CARNMT1: variants seen among roughly 807,000 people sequenced by gnomAD.
CARNMT1 encodes carnosine N-methyltransferase 1.
CARNMT1 carries 28 observed loss-of-function variants against 49.6 expected under a neutral mutation model. The ratio of observed to expected loss-of-function variants is 0.56; its 90% CI spans 0.42 to 0.77. The LOEUF is 0.77. Ranked by LOEUF, CARNMT1 falls within the 30% of genes least tolerant of loss-of-function variation. CARNMT1 has a pLI of 0.00. For missense variants in CARNMT1, 421 were observed against 512.6 expected, an observed-to-expected ratio of 0.82 and a Z score of 1.73; for synonymous variants, 178 against 175.0, an observed-to-expected ratio of 1.02 and a Z score of -0.13.
chr9:74,996,065 T>C (rs1305682417), intron 6 of CARNMT1: 1 of 159,146 alleles, frequency 6.3e-6, no homozygotes, highest in East Asian at 1.8e-4. Flanking sequence ...GAAGATTCCA[T>C]GGAAGAGGTA....
intron 3 of CARNMT1, among the ~76,000 whole-genome samples, chr9:75,012,345 G>A (rs899451487): frequency 3.4e-5 from 5 of 148,352 alleles, no homozygotes; most frequent in Non-Finnish European, 5.9e-5. Flanking sequence ...GGAGTTCAGT[G>A]GCATGATCTT....
chr9:75,006,195 G>A (rs1426505724), intron 3 of CARNMT1, among the ~76,000 whole-genome samples: 1 of 152,150 alleles, frequency 6.6e-6, no homozygotes, highest in Non-Finnish European at 1.5e-5. Flanking sequence ...GGGATTACAA[G>A]TGCACGCCAC....
chr9:75,023,599 T>C (rs1822440238), intron 1 of CARNMT1, among the ~76,000 whole-genome samples: 1 of 152,204 alleles, frequency 6.6e-6, no homozygotes, highest in African/African-American at 2.4e-5. Flanking sequence ...ATAGGTGGGA[T>C]CTTACTAAAG....
chr9:74,996,521 G>A lies in CARNMT1; in HGVS notation c.950C>T (p.Thr317Ile). 6.2e-7 allele frequency: 1 copy of A among 1,607,244 alleles called. No individual in the cohort carries two copies. The highest frequency in any genetic ancestry group is 8.5e-7 in the Non-Finnish European group (1 of 1,176,846). ...DCIATCFFID[T>I]AHNVIDYIDT... is the part of the protein sequence containing the mutation. ...AATATAATCAATTACATTGTGAGCTGTGTCTATGAAGAAACAGGTAGCAAT... is the reference window on the plus strand; with the variant it reads ...AATATAATCAATTACATTGTGAGCTATGTCTATGAAGAAACAGGTAGCAAT... Residue 317 changes from threonine (T) to isoleucine (I), a missense_variant, in exon 6 of 8, where the codon ACA becomes ATA. This residue lies in a region of CARNMT1 where 235 missense variants were observed against 344.8 expected (regional missense o/e 0.68). Coordinates refer to ENST00000376834, the MANE Select transcript of CARNMT1 (RefSeq NM_152420.3).
Position 75,016,294 on chromosome 9 carries a change from A to G in CARNMT1, c.564T>C (p.Ile188=). The G allele has an allele frequency of 6.2e-7, 1 of 1,612,970 alleles. No individual in the cohort carries two copies. ...DACYQPIIKE[I]LKNFPKERWD... ...ATCTCTCTTTTGGAAAATTTTTTAAAATTTCTTTAATGATTGGCTGGTAAC... is the reference window on the plus strand; with the variant it reads ...ATCTCTCTTTTGGAAAATTTTTTAAGATTTCTTTAATGATTGGCTGGTAAC... Residue 188 remains isoleucine, a synonymous_variant, in exon 3 of 8, where the codon ATT becomes ATC. Transcript: ENST00000376834.
In CARNMT1 at chr9:75,028,152, C is replaced by G. The variant is rs577316354; in HGVS notation, c.90G>C (p.Val30=). Residue 30 remains valine, a synonymous_variant, in exon 1 of 8, where the codon GTG becomes GTC. Transcript: ENST00000376834. ...GGGGGSEEVE[V]QFSAGRWGSA... ...AGCCCCAACGCCCGGCGGAAAACTG[C>G]ACTTCCACCTCCTCGCTGCCACCGC... 2.6e-6 allele frequency: 4 copies of G among 1,540,710 alleles called. No individual in the cohort carries two copies. Among genetic ancestry groups the G allele is most frequent in the Non-Finnish European group, 3.5e-6 (4 of 1,145,774 alleles).
chr9:75,015,778 T>A (rs1833827900), intron 3 of CARNMT1: 1 of 143,300 alleles, frequency 7.0e-6, no homozygotes, highest in Admixed American at 6.9e-5. Flanking sequence ...AGAGTGAGAC[T>A]GTCTCAAAAA....
At chr9:75,023,450 A>G (rs1409721024) in intron 1 of CARNMT1, among the ~76,000 whole-genome samples, 4 of 152,154 alleles carry the variant, frequency 2.6e-5, no homozygotes, top group Non-Finnish European at 4.4e-5. Flanking sequence ...GTGAGTTGAG[A>G]TAAGTTATAG....
At chr9:75,021,687 TTGGGAGGCCAAGG>T (rs1822368311) in intron 1 of CARNMT1, among the ~76,000 whole-genome samples, 1 of 152,012 alleles carries the variant, frequency 6.6e-6, no homozygotes, top group Non-Finnish European at 1.5e-5. Flanking sequence ...TCCCAGTATT[TTGGGAGGCCAAGG>T]TGGGAAGCCT....
chr9:75,013,450 T>G (rs1027670321), intron 3 of CARNMT1, among the ~76,000 whole-genome samples: 2 of 152,136 alleles, frequency 1.3e-5, no homozygotes, highest in African/African-American at 4.8e-5. Flanking sequence ...ATGCATAAAG[T>G]TATTAATTTT....
chr9:75,026,192 T>C (rs1822523344), intron 1 of CARNMT1, among the ~76,000 whole-genome samples: 1 of 152,158 alleles, frequency 6.6e-6, no homozygotes, highest in Admixed American at 6.6e-5. Context: ...ATTACGCTGG[T>C]AAAGAAGAGA....
chr9:75,000,127 A>G (rs889191593), intron 3 of CARNMT1, among the ~76,000 whole-genome samples: 2 of 152,134 alleles, frequency 1.3e-5, no homozygotes, highest in Non-Finnish European at 2.9e-5. Context: ...ACATCTCAAG[A>G]CTTATAAAGT....
intron 3 of CARNMT1, among the ~76,000 whole-genome samples, chr9:75,002,745 T>TC (rs1372727117): frequency 6.6e-6 from 1 of 152,140 alleles, no homozygotes; most frequent in Non-Finnish European, 1.5e-5. Flanking sequence ...GTATTGAATT[T>TC]CTTTTTTTTA....
chr9:75,002,629 C>T (rs1357978020), intron 3 of CARNMT1, among the ~76,000 whole-genome samples: 3 of 152,174 alleles, frequency 2.0e-5, no homozygotes, highest in African/African-American at 7.2e-5. Context: ...AGCACACTGC[C>T]TGTGGCATAG....
rs1392050958 is a variant in CARNMT1 at position 75,028,281 on chromosome 9, C to T, written c.-40G>A. The T allele has an allele frequency of 1.5e-6, 2 of 1,343,886 alleles. No individual in the cohort carries two copies. Among genetic ancestry groups the T allele is most frequent in the East Asian group, 3.1e-5 (1 of 31,886 alleles). 83.2% of individuals were successfully genotyped at this position (1,343,886 alleles called of 1,614,324 possible). On this transcript the variant is annotated 5_prime_UTR_variant, in exon 1 of 8. Transcript: ENST00000376834. ...TCGGCCTGGCTCGCTTGCGTCTCTC[C>T]GCGACCGACAGCGTGGTGGCGGCTG...
chr9:75,013,670 A>G (rs1162669490), intron 3 of CARNMT1, among the ~76,000 whole-genome samples: 1 of 152,168 alleles, frequency 6.6e-6, no homozygotes, highest in Non-Finnish European at 1.5e-5. Context: ...CATGTATGCT[A>G]TATTATCTTT....
chr9:75,009,211 C>T (rs966390684), intron 3 of CARNMT1, among the ~76,000 whole-genome samples: 3 of 151,866 alleles, frequency 2.0e-5, no homozygotes, highest in Non-Finnish European at 2.9e-5. Flanking sequence ...CTATAAAAAC[C>T]TTATTTTAAA....
At chr9:75,016,468 A>G (rs1238197741) in intron 2 of CARNMT1, 37 bp from the exon 3 acceptor site, 1 of 1,600,178 alleles carries the variant, frequency 6.2e-7, no homozygotes, top group East Asian at 2.2e-5. Flanking sequence ...CTTCTGAGAG[A>G]GTAATCCACT....
intron 1 of CARNMT1, among the ~76,000 whole-genome samples, chr9:75,018,018 T>C (rs1411230963): frequency 6.6e-6 from 1 of 152,172 alleles, no homozygotes; most frequent in Non-Finnish European, 1.5e-5. Flanking sequence ...GGACTACTTA[T>C]TCATAAAACC....
Sources: gnomAD v4.1 joint callset for allele counts (sites outside exome capture counted in the v4.1 genomes callset) on GRCh38, gnomAD v4.1.1 for gene constraint, gnomAD v4.1.1 regional missense constraint, MANE v1.5 for transcripts, NCBI Gene and HGNC (gene_info 2026-07-23, HGNC 2026-07-21) for gene names.